C16orf95: variants seen among roughly 807,000 people sequenced by gnomAD.
C16orf95 encodes chromosome 16 open reading frame 95.
A neutral mutation model predicts 32.1 loss-of-function variants in C16orf95; 41 were observed. The observed-to-expected ratio is 1.28, with a 90% CI of 1.00 to 1.66. The LOEUF is 1.66. Ranked by LOEUF, C16orf95 falls within the 40% of genes most tolerant of loss-of-function variation. The probability of loss-of-function intolerance (pLI) is 0.00; values close to 1 mark genes in which losing one functional copy is unlikely to be tolerated. For missense variants in C16orf95, 399 were observed against 325.9 expected, an observed-to-expected ratio of 1.22 and a Z score of -1.73; for synonymous variants, 147 against 128.9, an observed-to-expected ratio of 1.14 and a Z score of -0.95.
chr16:87,312,146 G>A (rs895928378), intron 3 of C16orf95, among the ~76,000 whole-genome samples: 1 of 152,174 alleles, frequency 6.6e-6, no homozygotes, highest in Non-Finnish European at 1.5e-5. Context: ...CTTCTCCAGC[G>A]GAAAGACAGG....
chr16:87,310,175 G>T, intron 5 of C16orf95, 122 bp downstream of exon 5: 1 of 998,818 alleles, frequency 1.0e-6, no homozygotes, highest in Non-Finnish European at 1.5e-6. Flanking sequence ...CCACATTCAT[G>T]TCACTGTCAC....
At chr16:87,309,372 C>CTT (rs10551847) in intron 5 of C16orf95, among the ~76,000 whole-genome samples, 1,551 of 85,694 alleles carry the variant, frequency 0.018, 377 homozygotes, top group African/African-American at 0.089. Flanking sequence ...TCTTTCTTTT[C>CTT]TTTTTTTTTT....
Position 87,317,281 on chromosome 16 carries a change from T to A in C16orf95, c.-39A>T, listed in dbSNP as rs1904393562. The stretch of plus-strand genomic sequence containing the variant: ...GCTGACGCGCCCTTTCACACACACA[T>A]CGTCCGCAGGCCCTGACGCCCTGGC... On this transcript the variant is annotated 5_prime_UTR_variant, in exon 1 of 7. It removes an upstream start codon present in the reference 5' UTR. Coordinates refer to ENST00000567970, the MANE Select transcript of C16orf95 (RefSeq NM_001195124.3). 6.8e-7 allele frequency: 1 copy of A among 1,477,932 alleles called. No individual in the cohort carries two copies. Among genetic ancestry groups the A allele is most frequent in the Non-Finnish European group, 9.0e-7 (1 of 1,113,974 alleles). The allele number at this position is 1,477,932 out of a possible 1,614,324, so 91.6% of individuals were successfully genotyped here.
At chr16:87,314,019 G>T (rs1403720496) in intron 3 of C16orf95, among the ~76,000 whole-genome samples, 1 of 152,100 alleles carries the variant, frequency 6.6e-6, no homozygotes, top group East Asian at 1.9e-4. Flanking sequence ...AAAAACATCA[G>T]CTAAACCAAG....
Position 87,311,294 on chromosome 16 carries a change from A to C in C16orf95, c.333T>G (p.Ser111Arg). 1 of 1,529,072 alleles carries C rather than the reference A, an allele frequency of 6.5e-7. No individual in the cohort carries two copies. Among genetic ancestry groups the C allele is most frequent in the Non-Finnish European group, 8.8e-7 (1 of 1,141,740 alleles). 94.7% of individuals were successfully genotyped at this position (1,529,072 alleles called of 1,614,324 possible). ...GGATAGGAAATTGAACCGTCTTTTG[A>C]CTCTAACAGAGAGGATGGGAGGAGA... ...VPLSLRPRKQ[S>R]QKTVQFPIPQ... The change falls in exon 4 of 7, where the codon AGT (serine) becomes AGG (arginine). Residue 111 changes from serine (S) to arginine (R), a missense_variant and splice_region_variant. Ser to Arg is a moderately radical substitution (Grantham distance 110). Transcript: ENST00000567970.
chr16:87,303,012 A>T lies in C16orf95; in HGVS notation c.*45T>A. 2 of 1,532,366 alleles carry T rather than the reference A, an allele frequency of 1.3e-6. No homozygotes were observed. Among genetic ancestry groups the T allele is most frequent in the Non-Finnish European group, 1.7e-6 (2 of 1,143,450 alleles). The allele number at this position is 1,532,366 out of a possible 1,614,324, so 94.9% of individuals were successfully genotyped here. A position where few individuals can be genotyped will look rare whatever the true frequency, so the allele number is the denominator to read the frequency against. The stretch of plus-strand genomic sequence containing the variant: ...TGGACTCTCAAAGATCTTGATCGTG[A>T]CACATTTTTGTGGCTGTTCTTGACA... On this transcript the variant is annotated 3_prime_UTR_variant, in exon 7 of 7. Coordinates refer to ENST00000567970, the MANE Select transcript of C16orf95 (RefSeq NM_001195124.3).
intron 5 of C16orf95, among the ~76,000 whole-genome samples, chr16:87,309,024 A>G (rs995155849): frequency 4.6e-5 from 7 of 152,320 alleles, no homozygotes; most frequent in African/African-American, 1.4e-4. Flanking sequence ...TGCACCTTCA[A>G]CATCGCCTCA....
In C16orf95 at chr16:87,312,571, AAAAAAAAAAAAAAAAGAAAG is replaced by A. The variant is rs1161300101; in HGVS notation, c.331-1295_331-1276del. On this transcript the variant is annotated intron_variant, in intron 3 of 6. Transcript: ENST00000567970. The stretch of plus-strand genomic sequence containing the variant: ...GCAGCAGAGTGAGACTCCATCTCAA[AAAAAAAAAAAAAAAAGAAAG>A]AAAAGAAAAGAAAAAGAAAAACTGA... Among the ~76,000 whole-genome samples the A allele has an allele frequency of 4.2e-3, 630 of 150,298 alleles. 3 individuals are homozygous for A. Among genetic ancestry groups the A allele is most frequent in the African/African-American group, 0.014 (591 of 41,216 alleles).
chr16:87,307,754 T>C (rs558540769), intron 5 of C16orf95, among the ~76,000 whole-genome samples: 3 of 152,216 alleles, frequency 2.0e-5, no homozygotes, highest in South Asian at 2.1e-4. Context: ...TGAGACTCCA[T>C]CCTAAAACAA....
intron 6 of C16orf95, 134 bp from the exon 7 acceptor site, chr16:87,303,209 C>T: frequency 1.1e-6 from 1 of 875,162 alleles, no homozygotes; most frequent in Admixed American, 2.0e-5. Context: ...GGAGGAATCC[C>T]AGGCAGGGAA....
rs1227875778 is a variant in C16orf95 at position 87,303,025 on chromosome 16, G to C, written c.*32C>G. The C allele has an allele frequency of 6.5e-7, 1 of 1,535,136 alleles. No homozygotes were observed. Among genetic ancestry groups the C allele is most frequent in the African/African-American group, 1.4e-5 (1 of 73,112 alleles). On this transcript the variant is annotated 3_prime_UTR_variant, in exon 7 of 7. Coordinates refer to ENST00000567970, the MANE Select transcript of C16orf95 (RefSeq NM_001195124.3). Reference sequence around the variant, plus strand: ...ATCTTGATCGTGACACATTTTTGTGGCTGTTCTTGACAGTAGCTGAAGATT... The same window carrying C: ...ATCTTGATCGTGACACATTTTTGTGCCTGTTCTTGACAGTAGCTGAAGATT...
chr16:87,306,060 C>T (rs548675512), intron 5 of C16orf95, 155 bp from the exon 6 acceptor site: 25 of 494,690 alleles, frequency 5.1e-5, no homozygotes, highest in South Asian at 3.3e-4. Context: ...CCGGAGCTCA[C>T]GAGATAAAGG....
In C16orf95 at chr16:87,303,334, C is replaced by T; in HGVS notation, c.702-259G>A. 9.9e-6 allele frequency: 5 copies of T among 503,698 alleles called. No homozygotes were observed. In the South Asian group the frequency reaches 1.0e-4, roughly 10 times the overall value. The allele number at this position is 503,698 out of a possible 1,614,324, so 31.2% of individuals were successfully genotyped here. A position where few individuals can be genotyped will look rare whatever the true frequency, so the allele number is the denominator to read the frequency against. On this transcript the variant is annotated intron_variant, in intron 6 of 6. Coordinates refer to ENST00000567970, the MANE Select transcript of C16orf95 (RefSeq NM_001195124.3). ...CTCCTTCTGAAAAGGGATGATAATG[C>T]TGGCTTTGCAGAACTGTGAAGGGGA...
At chr16:87,315,718 C>A in intron 2 of C16orf95, 54 bp downstream of exon 2, 1 of 1,377,272 alleles carries the variant, frequency 7.3e-7, no homozygotes, top group South Asian at 1.4e-5. Flanking sequence ...CTCTCCTCAC[C>A]CCACAGGGAT....
At position 87,305,714 on chromosome 16, in the gene C16orf95, C is replaced by A; in HGVS notation, c.701+5G>T. On this transcript the variant is annotated splice_donor_5th_base_variant and intron_variant, in intron 6 of 6. Transcript: ENST00000567970. This position sits in a 1 kb window ranked among gnomAD's most constrained non-coding sequence, Gnocchi z 4.2. Reference sequence around the variant, plus strand: ...CCCACTGTCCCCCATCCCCCACCTGCTCACCGAATGGCCATGATGACCCTC... The same window carrying A: ...CCCACTGTCCCCCATCCCCCACCTGATCACCGAATGGCCATGATGACCCTC... The A allele has an allele frequency of 6.7e-7, 1 of 1,497,246 alleles. No homozygotes were observed. Among genetic ancestry groups the A allele is most frequent in the Non-Finnish European group, 8.9e-7 (1 of 1,128,966 alleles). The allele number at this position is 1,497,246 out of a possible 1,614,324, so 92.7% of individuals were successfully genotyped here.
rs1911001715 is a variant in C16orf95, at chr16:87,305,868, C to T, written c.552G>A (p.Trp184Ter). The T allele has an allele frequency of 6.9e-7, 1 of 1,445,302 alleles. No individual in the cohort carries two copies. The highest frequency in any genetic ancestry group is 9.1e-7 in the Non-Finnish European group (1 of 1,103,076). The allele number at this position is 1,445,302 out of a possible 1,614,324, so 89.5% of individuals were successfully genotyped here. ...LLDACCWHNC[W>*]RICGDECLLS... Reference sequence around the variant, plus strand: ...ACAGGCACTCATCACCGCAGATCCGCCAGCAGTTGTGCCAGCAGCATGCAT... The same window carrying T: ...ACAGGCACTCATCACCGCAGATCCGTCAGCAGTTGTGCCAGCAGCATGCAT... Residue 184 changes from tryptophan to a stop codon, truncating the protein, a stop_gained, in exon 6 of 7, where the codon TGG (tryptophan) becomes TGA (stop). Coordinates refer to ENST00000567970, the MANE Select transcript of C16orf95 (RefSeq NM_001195124.3). LOFTEE classifies it high-confidence loss of function. This position sits in a 1 kb window ranked among gnomAD's most constrained non-coding sequence, Gnocchi z 4.2.
intron 1 of C16orf95, among the ~76,000 whole-genome samples, chr16:87,316,237 AT>A: frequency 6.6e-6 from 1 of 152,340 alleles, no homozygotes; most frequent in Middle Eastern, 3.4e-3. Context: ...AAGAAAAAAC[AT>A]CGTCAAACTG....
Position 87,305,889 on chromosome 16 carries a change from T to G in C16orf95, c.531A>C (p.Ala177=), listed in dbSNP as rs938980305. ...TCCGCCAGCAGTTGTGCCAGCAGCATGCATCCAGCAGGGGTGCTAGGCAAA... is the reference window on the plus strand; with the variant it reads ...TCCGCCAGCAGTTGTGCCAGCAGCAGGCATCCAGCAGGGGTGCTAGGCAAA... The part of the protein sequence containing the change: ...LKGIQAPLLD[A]CCWHNCWRIC... Residue 177 remains alanine (A), a synonymous_variant, in exon 6 of 7, where the codon GCA becomes GCC. Coordinates refer to ENST00000567970, the MANE Select transcript of C16orf95 (RefSeq NM_001195124.3). This position sits in a 1 kb window ranked among gnomAD's most constrained non-coding sequence, Gnocchi z 4.2. 38 of 1,436,210 alleles carry G rather than the reference T, an allele frequency of 2.6e-5. No homozygotes were observed. The highest frequency in any genetic ancestry group is 3.5e-5 in the Non-Finnish European group (38 of 1,098,326). The allele number at this position is 1,436,210 out of a possible 1,614,324, so 89.0% of individuals were successfully genotyped here.
At chr16:87,311,641 A>G (rs774174989) in intron 3 of C16orf95, among the ~76,000 whole-genome samples, 3 of 152,222 alleles carry the variant, frequency 2.0e-5, no homozygotes, top group Non-Finnish European at 4.4e-5. Flanking sequence ...GCCCTTGGGC[A>G]TGACACTTAG....
Sources: gnomAD v4.1 joint callset for allele counts (sites outside exome capture counted in the v4.1 genomes callset) on GRCh38, gnomAD v4.1.1 for gene constraint, Gnocchi (gnomAD v3.1) non-coding constraint, MANE v1.5 for transcripts, NCBI Gene and HGNC (gene_info 2026-07-23, HGNC 2026-07-21) for gene names.